The following ABHD17B variants were observed in gnomAD, a reference collection of about 807,000 sequenced individuals.
ABHD17B encodes the protein abhydrolase domain containing 17B, depalmitoylase, also known as alpha/beta hydrolase domain-containing protein 17B.
A neutral mutation model predicts 26.2 loss-of-function variants in ABHD17B; 9 were observed. That is an observed-to-expected ratio of 0.34 (90% CI 0.21 to 0.60). The LOEUF (loss-of-function observed/expected upper bound fraction) is 0.60, where lower values mean the gene tolerates loss of function less well. Ranked by LOEUF, ABHD17B falls within the 20% of genes least tolerant of loss-of-function variation. The pLI, the probability that ABHD17B is intolerant of heterozygous loss-of-function variation, is 0.80. For synonymous variants in ABHD17B, 127 were observed against 122.3 expected (o/e 1.04, Z -0.25); for missense variants, 224 against 352.1 (o/e 0.64, Z 2.91).
In ABHD17B at chr9:71,870,257, C is replaced by A; in HGVS notation, c.473G>T (p.Gly158Val). The change falls in exon 3 of 4, where the codon GGC becomes GTC. Residue 158 changes from glycine to valine, a missense_variant. Transcript: ENST00000333421. ...AAWLALRTRYGIRPENVIIYG... is the reference protein window; with the variant it reads ...AAWLALRTRYVIRPENVIIYG... ...TATAATCACATTTTCAGGGCGAATG[C>A]CATATCTACAAAGTTCAGGCGTTAA... 6.3e-7 allele frequency: 1 copy of A among 1,584,840 alleles called. No homozygotes were observed. Among genetic ancestry groups the A allele is most frequent in the Non-Finnish European group, 8.6e-7 (1 of 1,168,736 alleles).
chr9:71,907,227 A>T (rs1402516412), intron 1 of ABHD17B, among the ~76,000 whole-genome samples: 2 of 152,196 alleles, frequency 1.3e-5, no homozygotes, highest in Admixed American at 1.3e-4. Context: ...ATACCACCTA[A>T]CAGTAAAAGT....
chr9:71,910,488 G>A (rs1589237922), intron 1 of ABHD17B, 146 bp downstream of exon 1: 1 of 152,302 alleles, frequency 6.6e-6, no homozygotes, highest in South Asian at 2.1e-4. Flanking sequence ...GTGCCGAGAA[G>A]GGATCCCGGT....
At chr9:71,900,388 G>A (rs921634240) in intron 1 of ABHD17B, among the ~76,000 whole-genome samples, 1 of 152,122 alleles carries the variant, frequency 6.6e-6, no homozygotes, top group African/African-American at 2.4e-5. Context: ...TCAAGGTTCG[G>A]GGACGGTGGC....
rs190080500 is a variant in ABHD17B at position 71,899,524 on chromosome 9, A to G, written c.-4+11110T>C. Among the ~76,000 whole-genome samples, 233 of 152,348 alleles carry G rather than the reference A, an allele frequency of 1.5e-3. 1 individual carries two copies. Among genetic ancestry groups the G allele is most frequent in the African/African-American group, 5.3e-3 (220 of 41,586 alleles). ...AATGGTCTTGAATACCCTTTTAGGC[A>G]GGGATCCCACGGACCCTGTTATTAG... On this transcript the variant is annotated intron_variant, in intron 1 of 3. Transcript: ENST00000333421.
At chr9:71,880,484 A>C (rs1201899231) in intron 1 of ABHD17B, among the ~76,000 whole-genome samples, 4 of 152,142 alleles carry the variant, frequency 2.6e-5, no homozygotes, top group African/African-American at 9.6e-5. Flanking sequence ...GAAAAAAAAC[A>C]CATGGTTTTC....
At chr9:71,872,120 A>G (rs1826132050) in intron 2 of ABHD17B, among the ~76,000 whole-genome samples, 1 of 152,242 alleles carries the variant, frequency 6.6e-6, no homozygotes, top group South Asian at 2.1e-4. Flanking sequence ...CAGAATTGGA[A>G]AAGATCTTGG....
chr9:71,868,034 C>G (rs1241416896), intron 3 of ABHD17B, among the ~76,000 whole-genome samples: 1 of 136,082 alleles, frequency 7.3e-6, no homozygotes, highest in Non-Finnish European at 1.6e-5. Context: ...TGGTGAAACC[C>G]CGTCTCTACT....
intron 1 of ABHD17B, among the ~76,000 whole-genome samples, chr9:71,896,389 C>T (rs892876190): frequency 2.0e-5 from 3 of 152,112 alleles, no homozygotes; most frequent in African/African-American, 4.8e-5. Flanking sequence ...TGTCTACATA[C>T]GGGCATTAAG....
At position 71,866,176 on chromosome 9, in the gene ABHD17B, T is replaced by C; in HGVS notation, c.*611A>G. 3 of 983,536 alleles carry C rather than the reference T, an allele frequency of 3.1e-6. No homozygotes were observed. The highest frequency in any genetic ancestry group is 9.4e-5 in the South Asian group (2 of 21,244). The allele number at this position is 983,536 out of a possible 1,614,324, so 60.9% of individuals were successfully genotyped here. ...GGTAACTCATTGGTAAATTAATAGA[T>C]GGCATAAAAATTAAGATTTACATCT... On this transcript the variant is annotated 3_prime_UTR_variant, in exon 4 of 4. Transcript: ENST00000333421.
intron 2 of ABHD17B, among the ~76,000 whole-genome samples, chr9:71,871,847 AG>A (rs1407250607): frequency 2.6e-5 from 4 of 152,216 alleles, no homozygotes; most frequent in Non-Finnish European, 5.9e-5. Context: ...GAGGAACTCA[AG>A]GACTTTGTGG....
intron 1 of ABHD17B, among the ~76,000 whole-genome samples, chr9:71,894,318 A>T (rs1826891522): frequency 6.6e-6 from 1 of 152,138 alleles, no homozygotes; most frequent in South Asian, 2.1e-4. Flanking sequence ...ATAAAACTGG[A>T]TTAAGGTAAT....
chr9:71,886,890 T>G (rs1025080725), intron 1 of ABHD17B, among the ~76,000 whole-genome samples: 2 of 152,156 alleles, frequency 1.3e-5, no homozygotes, highest in African/African-American at 4.8e-5. Flanking sequence ...ATTAATGTTT[T>G]AATATTTTGA....
At chr9:71,903,022 A>T (rs1391729064) in intron 1 of ABHD17B, among the ~76,000 whole-genome samples, 2 of 151,918 alleles carry the variant, frequency 1.3e-5, no homozygotes, top group East Asian at 3.9e-4. Flanking sequence ...CCCTTTCTTC[A>T]CTCTGATCTA....
Position 71,865,742 on chromosome 9 carries a change from T to C in ABHD17B, c.*1045A>G, listed in dbSNP as rs1825939876. 3.4e-6 allele frequency: 2 copies of C among 583,632 alleles called. No individual in the cohort carries two copies. The highest frequency in any genetic ancestry group is 7.6e-5 in the South Asian group (1 of 13,114). 36.2% of individuals were successfully genotyped at this position (583,632 alleles called of 1,614,324 possible). A position where few individuals can be genotyped will look rare whatever the true frequency, so the allele number is the denominator to read the frequency against. On this transcript the variant is annotated 3_prime_UTR_variant, in exon 4 of 4. Transcript: ENST00000333421. ...CAGGCGTGGTGGCAAGCATCTGTAA[T>C]ACCAGCTACTCAGGAGGCTGAGGCA... is the stretch of plus-strand genomic sequence containing the variant.
rs761486873 is a variant in ABHD17B at position 71,874,937 on chromosome 9, T to C, written c.144A>G (p.Leu48=). The C allele has an allele frequency of 1.2e-6, 2 of 1,614,212 alleles. No individual in the cohort carries two copies. Among genetic ancestry groups the C allele is most frequent in the Non-Finnish European group, 1.7e-6 (2 of 1,180,030 alleles). ...GCCAGTCTGCTCGTTCAGACAGATG[T>C]AAAGTCCAACGGCTTCCGCTTTCAT... ...MCDESGSRWT[L]HLSERADWQY... The change falls in exon 2 of 4, where the codon TTA becomes TTG. Residue 48 remains leucine, a synonymous_variant. Coordinates refer to ENST00000333421, the MANE Select transcript of ABHD17B (RefSeq NM_001025780.3).
At chr9:71,871,388 G>T (rs1826107967) in intron 2 of ABHD17B, among the ~76,000 whole-genome samples, 1 of 152,184 alleles carries the variant, frequency 6.6e-6, no homozygotes. Context: ...AGAAAGTGGG[G>T]CTCTGTCTAC....
In ABHD17B at chr9:71,874,883, A is replaced by G. The variant is rs1300790768; in HGVS notation, c.198T>C (p.Ile66=). Residue 66 remains isoleucine, a synonymous_variant, in exon 2 of 4, where the codon ATT becomes ATC. Transcript: ENST00000333421. The part of the protein sequence containing the change: ...WQYSSREKDA[I]ECFMTRTSKG... Reference sequence around the variant, plus strand: ...TACTGGTTCTAGTCATGAAACACTCAATAGCATCTTTTTCTCTAGAAGAAT... The same window carrying G: ...TACTGGTTCTAGTCATGAAACACTCGATAGCATCTTTTTCTCTAGAAGAAT... 5.6e-6 allele frequency: 9 copies of G among 1,614,068 alleles called. No individual in the cohort carries two copies. The highest frequency in any genetic ancestry group is 1.3e-5 in the African/African-American group (1 of 74,920).
At chr9:71,897,524 T>C (rs532182889) in intron 1 of ABHD17B, among the ~76,000 whole-genome samples, 1 of 152,152 alleles carries the variant, frequency 6.6e-6, no homozygotes, top group South Asian at 2.1e-4. Context: ...TCAAAAAATA[T>C]AAAAAATGAA....
Position 71,889,090 on chromosome 9 carries a change from G to A in ABHD17B, c.-3-14007C>T, listed in dbSNP as rs1370366553. ...ACAGCACTTTGGGAGGCTGAGGCGG[G>A]CGGATCACAAGGTTAGGAGTTCGAG... is the stretch of plus-strand genomic sequence containing the variant. On this transcript the variant is annotated intron_variant, in intron 1 of 3. Coordinates refer to ENST00000333421, the MANE Select transcript of ABHD17B (RefSeq NM_001025780.3). 2.0e-5 allele frequency among the ~76,000 whole-genome samples: 3 copies of A among 151,624 alleles called. No individual in the cohort carries two copies. In the East Asian group the frequency reaches 5.8e-4, roughly 29 times the overall value.
Sources: gnomAD v4.1 joint callset for allele counts (sites outside exome capture counted in the v4.1 genomes callset) on GRCh38, gnomAD v4.1.1 for gene constraint, MANE v1.5 for transcripts, NCBI Gene and HGNC (gene_info 2026-07-23, HGNC 2026-07-21) for gene names.